DPM1: variants seen among roughly 807,000 people sequenced by gnomAD.
The protein encoded by DPM1 is dolichol-phosphate mannosyltransferase subunit 1.
Under a neutral mutation model 39.0 loss-of-function variants are expected in DPM1, and 27 were observed. The observed-to-expected ratio is 0.69, with a 90% CI of 0.51 to 0.95. DPM1 has a LOEUF of 0.95. Ranked by LOEUF, DPM1 falls within the 40% of genes least tolerant of loss-of-function variation. The pLI is 0.00. For synonymous variants in DPM1, 124 were observed against 109.0 expected (o/e 1.14, Z -0.86); for missense variants, 307 against 315.6 (o/e 0.97, Z 0.21).
At chr20:50,952,601 G>C (rs554496969) in intron 2 of DPM1, among the ~76,000 whole-genome samples, 1 of 152,302 alleles carries the variant, frequency 6.6e-6, no homozygotes, top group South Asian at 2.1e-4. Context: ...TCACTTATCA[G>C]TGAGGCTCAG....
At chr20:50,940,996 C>A (rs763331111) in intron 6 of DPM1, 63 bp from the exon 7 acceptor site, 20 of 1,434,622 alleles carry the variant, frequency 1.4e-5, no homozygotes, top group Non-Finnish European at 1.9e-5. Context: ...AGAAACACAT[C>A]GAAGAACAGT....
Position 50,957,220 on chromosome 20 carries a change from A to G in DPM1, c.161+1143T>C, listed in dbSNP as rs552782265. 3.9e-5 allele frequency among the ~76,000 whole-genome samples: 6 copies of G among 152,364 alleles called. No individual in the cohort carries two copies. The South Asian group carries it at 1.2e-3, about 32-fold the overall frequency. Reference sequence around the variant, plus strand: ...ATCAAAACAGCAATGGTTTTCACAAATGAGTACTTCCAACAATGTTAAGTC... The same window carrying G: ...ATCAAAACAGCAATGGTTTTCACAAGTGAGTACTTCCAACAATGTTAAGTC... On this transcript the variant is annotated intron_variant, in intron 1 of 8. Coordinates refer to ENST00000371588, the MANE Select transcript of DPM1 (RefSeq NM_003859.3).
chr20:50,958,254 G>T, intron 1 of DPM1, 109 bp downstream of exon 1: 2 of 1,450,700 alleles, frequency 1.4e-6, no homozygotes, highest in Non-Finnish European at 9.4e-7. Context: ...GCCTTCCTGT[G>T]TGAGGCAAAG....
chr20:50,955,394 T>A, intron 1 of DPM1, 109 bp from the exon 2 acceptor site: 1 of 783,866 alleles, frequency 1.3e-6, no homozygotes, highest in Non-Finnish European at 2.1e-6. Context: ...TATTGCTATA[T>A]TAATCGTTGA....
At chr20:50,952,515 A>G (rs1016642115) in intron 2 of DPM1, among the ~76,000 whole-genome samples, 2 of 152,208 alleles carry the variant, frequency 1.3e-5, no homozygotes, top group Non-Finnish European at 2.9e-5. Flanking sequence ...ACACTGGGTT[A>G]AAAAGAAAGG....
chr20:50,942,142 G>T lies in DPM1; in HGVS notation c.399-16C>A, dbSNP rs757284858. Reference sequence around the variant, plus strand: ...CTTTTGCTTCCTGTAGAATAAATTAGCTGTCAATTAGAAAAAGCCACTGAG... The same window carrying T: ...CTTTTGCTTCCTGTAGAATAAATTATCTGTCAATTAGAAAAAGCCACTGAG... On this transcript the variant is annotated splice_polypyrimidine_tract_variant and intron_variant, in intron 5 of 8. Transcript: ENST00000371588. The T allele has an allele frequency of 6.2e-7, 1 of 1,605,808 alleles. No homozygotes were observed. The highest frequency in any genetic ancestry group is 8.5e-7 in the Non-Finnish European group (1 of 1,173,088).
intron 1 of DPM1, among the ~76,000 whole-genome samples, chr20:50,957,237 T>C (rs571278899): frequency 4.6e-5 from 7 of 152,306 alleles, no homozygotes; most frequent in East Asian, 1.9e-4. Flanking sequence ...CTTCCAACAA[T>C]GTTAAGTCTA....
rs1847495925 is a variant in DPM1 at position 50,937,984 on chromosome 20, T to C, written c.564-1722A>G. Among the ~76,000 whole-genome samples, 2 of 152,132 alleles carry C rather than the reference T, an allele frequency of 1.3e-5. 1 individual carries two copies. The highest frequency in any genetic ancestry group is 1.3e-4 in the Admixed American group (2 of 15,266). On this transcript the variant is annotated intron_variant, in intron 7 of 8. Coordinates refer to ENST00000371588, the MANE Select transcript of DPM1 (RefSeq NM_003859.3). ...GTGAGCCACCACATCCAGCCAGCAT[T>C]ACCTTTAAAATTGGGATTAGGCTAT...
chr20:50,958,552 G>C, upstream of DPM1: 1 of 1,612,688 alleles, frequency 6.2e-7, no homozygotes, highest in Non-Finnish European at 8.5e-7. Flanking sequence ...GCCGGAAGCG[G>C]AATTACGTAA....
At chr20:50,946,341 C>G (rs1986284110) in intron 3 of DPM1, among the ~76,000 whole-genome samples, 1 of 152,174 alleles carries the variant, frequency 6.6e-6, no homozygotes, top group Non-Finnish European at 1.5e-5. Flanking sequence ...TTGGGTATTT[C>G]AGAAATCTCA....
rs546390280 is a variant in DPM1, at chr20:50,935,527, A to C, written c.679-291T>G. 4.6e-5 allele frequency among the ~76,000 whole-genome samples: 7 copies of C among 152,336 alleles called. 1 individual carries two copies. Among genetic ancestry groups the C allele is most frequent in the South Asian group, 2.1e-4 (1 of 4,826 alleles). The stretch of plus-strand genomic sequence containing the variant: ...AAGTTTCAGTTTGCATTTCAAGGAA[A>C]AATTATACTCCAAAAGTAAAATGGC... On this transcript the variant is annotated intron_variant, in intron 8 of 8. Coordinates refer to ENST00000371588, the MANE Select transcript of DPM1 (RefSeq NM_003859.3).
At chr20:50,944,341 A>G (rs1415419931) in intron 5 of DPM1, 1 of 152,078 alleles carries the variant, frequency 6.6e-6, no homozygotes, top group African/African-American at 2.4e-5. Flanking sequence ...CTTTTTGCCC[A>G]TTTTCTACTC....
chr20:50,952,951 C>G (rs1427312470), intron 2 of DPM1, among the ~76,000 whole-genome samples: 1 of 152,220 alleles, frequency 6.6e-6, no homozygotes, highest in Non-Finnish European at 1.5e-5. Flanking sequence ...CTGTCCTCAT[C>G]ACTGTCAACT....
chr20:50,958,534 A>G, upstream of DPM1: 1 of 1,613,122 alleles, frequency 6.2e-7, no homozygotes, highest in Non-Finnish European at 8.5e-7. Context: ...GGCGGAACTG[A>G]GCCAGATGCC....
Position 50,955,082 on chromosome 20 carries a change from T to G in DPM1, c.261+104A>C, listed in dbSNP as rs917908781. On this transcript the variant is annotated intron_variant, in intron 2 of 8. Transcript: ENST00000371588. ...CAAATGCGTAAGTTGCTCTTTATCT[T>G]TTCAGTTTCTAAACAAATAGATTGA... The G allele has an allele frequency of 1.1e-5, 11 of 978,470 alleles. No homozygotes were observed. The African/African-American group carries it at 1.8e-4, about 16-fold the overall frequency. 60.6% of individuals were successfully genotyped at this position (978,470 alleles called of 1,614,324 possible).
chr20:50,957,382 A>G (rs1025964306), intron 1 of DPM1, among the ~76,000 whole-genome samples: 3 of 152,230 alleles, frequency 2.0e-5, no homozygotes, highest in Non-Finnish European at 4.4e-5. Context: ...CGACCCAGCA[A>G]TCCTACCTCG....
chr20:50,940,769 A>G, intron 7 of DPM1, 96 bp downstream of exon 7: 2 of 1,082,340 alleles, frequency 1.8e-6, no homozygotes, highest in Non-Finnish European at 2.8e-6. Flanking sequence ...CCCAGAATAA[A>G]AACAAGGTAG....
At chr20:50,958,224 C>G in intron 1 of DPM1, 139 bp downstream of exon 1, 2 of 1,089,436 alleles carry the variant, frequency 1.8e-6, no homozygotes, top group Non-Finnish European at 2.7e-6. Flanking sequence ...GCTTCCCTCG[C>G]AGGGTGGCCC....
intron 2 of DPM1, among the ~76,000 whole-genome samples, chr20:50,949,558 G>T (rs1986470851): frequency 6.6e-6 from 1 of 152,076 alleles, no homozygotes; most frequent in South Asian, 2.1e-4. Context: ...ACTTTTACTT[G>T]TTTAGTTTTT....
Sources: allele counts gnomAD v4.1 joint callset (sites outside exome capture counted in the v4.1 genomes callset), GRCh38; gene constraint gnomAD v4.1.1; transcripts MANE v1.5; gene names NCBI Gene and HGNC (gene_info 2026-07-23, HGNC 2026-07-21).